The following PDSS2 variants were observed in gnomAD, a reference collection of about 807,000 sequenced individuals.
PDSS2 encodes the protein decaprenyl diphosphate synthase subunit 2.
In PDSS2, 31 loss-of-function variants were observed where a neutral mutation model predicts 44.5. The ratio of observed to expected loss-of-function variants is 0.70; its 90% CI spans 0.52 to 0.94. The LOEUF (loss-of-function observed/expected upper bound fraction) is 0.94, where lower values mean the gene tolerates loss of function less well. Ranked by LOEUF, PDSS2 falls within the 40% of genes least tolerant of loss-of-function variation. The pLI is 0.00. For missense variants in PDSS2, 452 were observed against 482.2 expected (o/e 0.94, Z 0.59); for synonymous variants, 157 against 180.3 (o/e 0.87, Z 1.03).
At chr6:107,361,372 A>G (rs940897782) in intron 1 of PDSS2, among the ~76,000 whole-genome samples, 9 of 152,240 alleles carry the variant, frequency 5.9e-5, no homozygotes, top group African/African-American at 2.2e-4. Flanking sequence ...ACAAAGGATT[A>G]TTTCATTATA....
chr6:107,360,072 T>C (rs1444483017), intron 1 of PDSS2, among the ~76,000 whole-genome samples: 1 of 152,202 alleles, frequency 6.6e-6, no homozygotes, highest in Non-Finnish European at 1.5e-5. Context: ...GTTTTGTTCT[T>C]GGTATATAAA....
At chr6:107,291,560 C>T (rs1449062120) in intron 2 of PDSS2, among the ~76,000 whole-genome samples, 1 of 141,612 alleles carries the variant, frequency 7.1e-6, no homozygotes. Flanking sequence ...ACGGGGGGGT[C>T]TCACTATGTT....
chr6:107,371,922 T>C (rs1393462005), intron 1 of PDSS2, among the ~76,000 whole-genome samples: 1 of 152,230 alleles, frequency 6.6e-6, no homozygotes, highest in African/African-American at 2.4e-5. Context: ...AGGATATTTT[T>C]CCCAACTTAC....
chr6:107,210,697 C>T, intron 5 of PDSS2, 127 bp from the exon 6 acceptor site: 1 of 673,070 alleles, frequency 1.5e-6, no homozygotes, highest in Admixed American at 2.4e-5. Context: ...TTTAGATATA[C>T]TTTAATAAAC....
chr6:107,329,501 T>C (rs1777647696), intron 2 of PDSS2, among the ~76,000 whole-genome samples: 1 of 152,160 alleles, frequency 6.6e-6, no homozygotes, highest in Non-Finnish European at 1.5e-5. Context: ...TCACAGGGCA[T>C]TCTCCCTGTA....
intron 2 of PDSS2, among the ~76,000 whole-genome samples, chr6:107,299,326 A>G (rs1336644440): frequency 6.6e-6 from 1 of 152,080 alleles, no homozygotes; most frequent in East Asian, 1.9e-4. Context: ...TGGTCTTTGT[A>G]TCCAACCCAG....
intron 3 of PDSS2, among the ~76,000 whole-genome samples, chr6:107,254,816 C>T (rs1274685485): frequency 1.3e-5 from 2 of 152,046 alleles, no homozygotes; most frequent in African/African-American, 4.8e-5. Flanking sequence ...CTATTAGTGG[C>T]TTTCAATACA....
chr6:107,260,764 A>C (rs1775190321), intron 3 of PDSS2, among the ~76,000 whole-genome samples: 1 of 149,212 alleles, frequency 6.7e-6, no homozygotes, highest in Non-Finnish European at 1.5e-5. Context: ...CCCGTGTTCA[A>C]GCCATTCTCC....
At chr6:107,383,168 G>A (rs1402046010) in intron 1 of PDSS2, among the ~76,000 whole-genome samples, 1 of 151,230 alleles carries the variant, frequency 6.6e-6, no homozygotes, top group African/African-American at 2.4e-5. Context: ...GCATGGTGGT[G>A]TGCGCCTGTA....
chr6:107,446,324 GA>G (rs927277144), intron 1 of PDSS2, among the ~76,000 whole-genome samples: 3 of 151,136 alleles, frequency 2.0e-5, no homozygotes, highest in Non-Finnish European at 4.4e-5. Context: ...AAAAAAAAAA[GA>G]AAAAAAAGAA....
At chr6:107,430,893 C>G (rs1781174378) in intron 1 of PDSS2, among the ~76,000 whole-genome samples, 1 of 152,074 alleles carries the variant, frequency 6.6e-6, no homozygotes, top group Non-Finnish European at 1.5e-5. Context: ...TCTTCCTAAT[C>G]TTCCTAACCC....
chr6:107,164,617 C>G lies in PDSS2; in HGVS notation c.1042-9840G>C, dbSNP rs570871066. Among the ~76,000 whole-genome samples, 111 of 152,258 alleles carry G rather than the reference C, an allele frequency of 7.3e-4. 1 individual carries two copies. The highest frequency in any genetic ancestry group is 2.5e-3 in the African/African-American group (103 of 41,552). ...GTCTTTGCTATTGTGAATAGTGCCG[C>G]AATAAACATACGTGTGCATGTGTCT... On this transcript the variant is annotated intron_variant, in intron 7 of 7. Coordinates refer to ENST00000369037, the MANE Select transcript of PDSS2 (RefSeq NM_020381.4).
chr6:107,374,810 C>T (rs1025012437), intron 1 of PDSS2, among the ~76,000 whole-genome samples: 1 of 152,126 alleles, frequency 6.6e-6, no homozygotes, highest in African/African-American at 2.4e-5. Context: ...TCCTGAGGTG[C>T]TAACCTTCCT....
At chr6:107,404,720 C>T (rs1780252394) in intron 1 of PDSS2, among the ~76,000 whole-genome samples, 2 of 152,154 alleles carry the variant, frequency 1.3e-5, no homozygotes, top group Non-Finnish European at 2.9e-5. Flanking sequence ...ATTACCTTCC[C>T]ACTGGGTCCC....
chr6:107,229,781 C>T (rs1773975544), intron 4 of PDSS2: 1 of 152,196 alleles, frequency 6.6e-6, no homozygotes, highest in Non-Finnish European at 1.5e-5. Flanking sequence ...ACTATCTGGT[C>T]CAGGAAGTTC....
rs372592533 is a variant in PDSS2, at chr6:107,156,991, C to G, written c.1042-2214G>C. 2.0e-4 allele frequency among the ~76,000 whole-genome samples: 30 copies of G among 152,274 alleles called. No homozygotes were observed. The East Asian group carries it at 5.6e-3, about 28-fold the overall frequency. On this transcript the variant is annotated intron_variant, in intron 7 of 7. Coordinates refer to ENST00000369037, the MANE Select transcript of PDSS2 (RefSeq NM_020381.4). Reference sequence around the variant, plus strand: ...TTGCAATCACTTCCTAAAGAGTCTTCCCACCACCAGGTCTGCACCCCTGGA... The same window carrying G: ...TTGCAATCACTTCCTAAAGAGTCTTGCCACCACCAGGTCTGCACCCCTGGA...
At chr6:107,388,396 AT>A (rs1779676151) in intron 1 of PDSS2, among the ~76,000 whole-genome samples, 1 of 151,750 alleles carries the variant, frequency 6.6e-6, no homozygotes, top group African/African-American at 2.4e-5. Flanking sequence ...GCTCCTACGT[AT>A]TTATTCAAGT....
At chr6:107,378,189 T>A (rs1296228344) in intron 1 of PDSS2, among the ~76,000 whole-genome samples, 1 of 149,992 alleles carries the variant, frequency 6.7e-6, no homozygotes, top group East Asian at 1.9e-4. Context: ...AAAAAATGAA[T>A]TTTCCCCCTA....
intron 3 of PDSS2, among the ~76,000 whole-genome samples, chr6:107,261,578 CTT>C (rs36106088): frequency 7.1e-5 from 8 of 112,820 alleles, no homozygotes; most frequent in Non-Finnish European, 7.7e-5. Context: ...TCTTTTCTTT[CTT>C]TTTTTTTTTT....
Sources: gnomAD v4.1 joint callset for allele counts (sites outside exome capture counted in the v4.1 genomes callset) on GRCh38, gnomAD v4.1.1 for gene constraint, MANE v1.5 for transcripts, NCBI Gene and HGNC (gene_info 2026-07-23, HGNC 2026-07-21) for gene names.